The following ADGRB2 variants were observed in gnomAD, a reference collection of about 807,000 sequenced individuals.
The protein encoded by ADGRB2 is adhesion G protein-coupled receptor B2, also known as brain-specific angiogenesis inhibitor 2.
A neutral mutation model predicts 178.7 loss-of-function variants in ADGRB2; 47 were observed. The ratio of observed to expected loss-of-function variants is 0.26; its 90% confidence interval spans 0.21 to 0.34. The LOEUF (loss-of-function observed/expected upper bound fraction) is 0.34. Ranked by LOEUF, ADGRB2 falls within the 10% of genes least tolerant of loss-of-function variation. The pLI is 1.00. For missense variants in ADGRB2, 1,584 were observed against 2,180.8 expected, an observed-to-expected ratio of 0.73 and a Z score of 5.45; for synonymous variants, 870 against 912.4, an observed-to-expected ratio of 0.95 and a Z score of 0.84.
chr1:31,738,666 G>A (rs1366824129), intron 16 of ADGRB2, 36 bp from the exon 17 acceptor site: 1 of 1,611,848 alleles, frequency 6.2e-7, no homozygotes, highest in Non-Finnish European at 8.5e-7. Context: ...GTCTAGGGAG[G>A]GAAGCTCACC....
In ADGRB2 at chr1:31,727,938, G is replaced by A; in HGVS notation, c.4572+87C>T. On this transcript the variant is annotated intron_variant, in intron 32 of 32. Coordinates refer to ENST00000373658, the MANE Select transcript of ADGRB2 (RefSeq NM_001364857.2). The surrounding 1 kb of genome is among the most constrained non-coding windows in gnomAD (Gnocchi z 4.4). ...GTGGGGGAGGCCCTTGGTGAGACAGGCTGGGGTTGCCTGGGAGGGGCAGGA... is the reference window on the plus strand; with the variant it reads ...GTGGGGGAGGCCCTTGGTGAGACAGACTGGGGTTGCCTGGGAGGGGCAGGA... 1.4e-6 allele frequency: 2 copies of A among 1,462,564 alleles called. No homozygotes were observed. Among genetic ancestry groups the A allele is most frequent in the Non-Finnish European group, 1.8e-6 (2 of 1,096,244 alleles). The allele number at this position is 1,462,564 out of a possible 1,614,324, so 90.6% of individuals were successfully genotyped here.
Position 31,730,877 on chromosome 1 carries a change from C to G in ADGRB2, c.4303G>C (p.Val1435Leu). The change falls in exon 29 of 33, where the codon GTG becomes CTG. Residue 1435 changes from valine to leucine, a missense_variant. Val to Leu is a conservative substitution (Grantham distance 32). This residue lies in a region of ADGRB2 where 865 missense variants were observed against 1,192.8 expected (regional missense o/e 0.73). Coordinates refer to ENST00000373658, the MANE Select transcript of ADGRB2 (RefSeq NM_001364857.2). ...CGGCTGCGCTCCCCTGGCTCGGGCACTTGGCGGGCGCTGGGTGTCGGCGGT... is the reference window on the plus strand; with the variant it reads ...CGGCTGCGCTCCCCTGGCTCGGGCAGTTGGCGGGCGCTGGGTGTCGGCGGT... ...PPPPTPSARQ[V>L]PEPGERSRTM... 6.4e-7 allele frequency: 1 copy of G among 1,566,340 alleles called. No homozygotes were observed.
At chr1:31,752,116 C>A (rs1357879003) in intron 4 of ADGRB2, among the ~76,000 whole-genome samples, 1 of 152,220 alleles carries the variant, frequency 6.6e-6, no homozygotes, top group African/African-American at 2.4e-5. Flanking sequence ...TTGACCACCA[C>A]TGTCCTAGTT....
intron 25 of ADGRB2, among the ~76,000 whole-genome samples, chr1:31,734,111 G>T (rs1463136141): frequency 6.6e-6 from 1 of 152,194 alleles, no homozygotes; most frequent in East Asian, 1.9e-4. Context: ...GTTCAGCCTG[G>T]CAGGGGGCAG....
At position 31,741,562 on chromosome 1, in the gene ADGRB2, G is replaced by A. The variant is rs1162238120; in HGVS notation, c.1687+62C>T. On this transcript the variant is annotated intron_variant, in intron 10 of 32. Transcript: ENST00000373658. This position sits in a 1 kb window ranked among gnomAD's most constrained non-coding sequence, Gnocchi z 6.5. ...TCCGTATCTCAGAGAGGCTGGGGGC[G>A]CAGAAGGGGGCAATGAGAATGGCAG... is the stretch of plus-strand genomic sequence containing the variant. 28 of 1,596,238 alleles carry A rather than the reference G, an allele frequency of 1.8e-5. No individual in the cohort carries two copies. The highest frequency in any genetic ancestry group is 1.7e-4 in the Middle Eastern group (1 of 6,044).
At chr1:31,749,426 G>A (rs952828928) in intron 4 of ADGRB2, among the ~76,000 whole-genome samples, 3 of 152,230 alleles carry the variant, frequency 2.0e-5, no homozygotes, top group Non-Finnish European at 4.4e-5. Context: ...ACAGATTCTA[G>A]AGCCAGACAC....
intron 28 of ADGRB2, 121 bp from the exon 29 acceptor site, chr1:31,731,540 G>A: frequency 8.0e-7 from 1 of 1,249,550 alleles, no homozygotes; most frequent in Non-Finnish European, 1.1e-6. Context: ...ACTGGGTCCT[G>A]GAGAGATGGC....
At position 31,728,147 on chromosome 1, in the gene ADGRB2, T is replaced by C; in HGVS notation, c.4515+35A>G. 1.2e-6 allele frequency: 2 copies of C among 1,613,834 alleles called. No homozygotes were observed. Among genetic ancestry groups the C allele is most frequent in the Non-Finnish European group, 1.7e-6 (2 of 1,179,866 alleles). On this transcript the variant is annotated intron_variant, in intron 31 of 32. Coordinates refer to ENST00000373658, the MANE Select transcript of ADGRB2 (RefSeq NM_001364857.2). The surrounding 1 kb of genome is among the most constrained non-coding windows in gnomAD (Gnocchi z 6.7). ...CACTGCACCAGGTCAGGCCCTGAGCTTCAGGGCAGGGGCAGCCACGGGAGG... is the reference window on the plus strand; with the variant it reads ...CACTGCACCAGGTCAGGCCCTGAGCCTCAGGGCAGGGGCAGCCACGGGAGG...
chr1:31,730,577 C>G (rs148566374), intron 29 of ADGRB2, among the ~76,000 whole-genome samples: 1 of 152,198 alleles, frequency 6.6e-6, no homozygotes, highest in Non-Finnish European at 1.5e-5. Context: ...CAAGTGTGAA[C>G]GAGTCGAGAA....
At chr1:31,737,854 C>T (rs1645708564) in intron 18 of ADGRB2, 99 bp from the exon 19 acceptor site, 1 of 1,102,896 alleles carries the variant, frequency 9.1e-7, no homozygotes, top group Admixed American at 2.0e-5. Context: ...TACCCACAGG[C>T]AGAAGGGCAA....
In ADGRB2 at chr1:31,735,529, C is replaced by T. The variant is rs765711469; in HGVS notation, c.3353+51G>A. ...GTCTCCAAGAGCACCCATGTCCCTC[C>T]CTCCCTGCACCATTTCCAGAAAGGC... is the stretch of plus-strand genomic sequence containing the variant. On this transcript the variant is annotated intron_variant, in intron 24 of 32. Transcript: ENST00000373658. The surrounding 1 kb of genome is among the most constrained non-coding windows in gnomAD (Gnocchi z 6.0). The T allele has an allele frequency of 3.1e-6, 5 of 1,587,922 alleles. No individual in the cohort carries two copies. In the Admixed American group the frequency reaches 6.7e-5, roughly 21 times the overall value.
At chr1:31,736,262 A>G in intron 22 of ADGRB2, 59 bp downstream of exon 22, 1 of 1,582,286 alleles carries the variant, frequency 6.3e-7, no homozygotes, top group South Asian at 1.1e-5. Flanking sequence ...CCAGCTGCCC[A>G]GTCCGATTCC....
chr1:31,738,188 T>G lies in ADGRB2; in HGVS notation c.2772+12A>C. ...CTCCCTTATTCAGCCCAGGCACCTC[T>G]GTTCCACTCACCAGGTCCTTGGGCG... On this transcript the variant is annotated intron_variant, in intron 18 of 32. Coordinates refer to ENST00000373658, the MANE Select transcript of ADGRB2 (RefSeq NM_001364857.2). The G allele has an allele frequency of 6.2e-7, 1 of 1,613,992 alleles. No individual in the cohort carries two copies. The highest frequency in any genetic ancestry group is 8.5e-7 in the Non-Finnish European group (1 of 1,179,936).
Position 31,740,039 on chromosome 1 carries a change from G to T in ADGRB2, c.2059-5C>A. 1 of 1,614,146 alleles carries T rather than the reference G, an allele frequency of 6.2e-7. No individual in the cohort carries two copies. On this transcript the variant is annotated splice_polypyrimidine_tract_variant and splice_region_variant and intron_variant, in intron 13 of 32. Coordinates refer to ENST00000373658, the MANE Select transcript of ADGRB2 (RefSeq NM_001364857.2). The surrounding 1 kb of genome is among the most constrained non-coding windows in gnomAD (Gnocchi z 5.9). Reference sequence around the variant, plus strand: ...GTGCACAGAGCCAGGGGACACCTGGGGACAGAAAGTGTGTAAGGGTCCAAG... The same window carrying T: ...GTGCACAGAGCCAGGGGACACCTGGTGACAGAAAGTGTGTAAGGGTCCAAG...
chr1:31,744,033 C>T lies in ADGRB2; in HGVS notation c.1087+160G>A, dbSNP rs1434650695. Among the ~76,000 whole-genome samples, 1 of 152,164 alleles carries T rather than the reference C, an allele frequency of 6.6e-6. No homozygotes were observed. Among genetic ancestry groups the T allele is most frequent in the Non-Finnish European group, 1.5e-5 (1 of 68,014 alleles). ...CATCTGTGCCCCCAGTGCCCTGCAC[C>T]GGGCTGGCATGGTACGCAGAGTTGG... On this transcript the variant is annotated intron_variant, in intron 6 of 32. Coordinates refer to ENST00000373658, the MANE Select transcript of ADGRB2 (RefSeq NM_001364857.2). This position sits in a 1 kb window ranked among gnomAD's most constrained non-coding sequence, Gnocchi z 6.7.
chr1:31,730,142 C>A (rs1645202704), intron 29 of ADGRB2, among the ~76,000 whole-genome samples: 1 of 152,198 alleles, frequency 6.6e-6, no homozygotes, highest in Non-Finnish European at 1.5e-5. Flanking sequence ...TGATCCTCTG[C>A]AGGGAGCAGA....
chr1:31,728,015 G>A lies in ADGRB2; in HGVS notation c.4572+10C>T. ...GCCCACCTCACCCCACCCAGCCCGG[G>A]GGGACTCACGGTGCACACGCTCCGC... On this transcript the variant is annotated intron_variant, in intron 32 of 32. Coordinates refer to ENST00000373658, the MANE Select transcript of ADGRB2 (RefSeq NM_001364857.2). The surrounding 1 kb of genome is among the most constrained non-coding windows in gnomAD (Gnocchi z 6.7). 6.4e-7 allele frequency: 1 copy of A among 1,555,352 alleles called. No homozygotes were observed. Among genetic ancestry groups the A allele is most frequent in the Non-Finnish European group, 8.7e-7 (1 of 1,155,102 alleles).
intron 4 of ADGRB2, among the ~76,000 whole-genome samples, chr1:31,752,641 C>T (rs1646633957): frequency 6.6e-6 from 1 of 152,160 alleles, no homozygotes; most frequent in Non-Finnish European, 1.5e-5. Context: ...CGAGGAGCCT[C>T]AGTTGAAAGG....
rs779301565 is a variant in ADGRB2 at position 31,740,401 on chromosome 1, A to G, written c.1935T>C (p.Asn645=). The change falls in exon 12 of 33, where the codon AAT becomes AAC. Residue 645 remains asparagine, a synonymous_variant. Transcript: ENST00000373658. This position sits in a 1 kb window ranked among gnomAD's most constrained non-coding sequence, Gnocchi z 5.9. ...TGGCCCTCTTAAAGGTGTCAGTGAC[A>G]TTCCTCAGAATGTCCACAGAGAAGA... ...DLLFSVDILR[N]VTDTFKRATY... 1 of 1,614,074 alleles carries G rather than the reference A, an allele frequency of 6.2e-7. No homozygotes were observed. The highest frequency in any genetic ancestry group is 1.1e-5 in the South Asian group (1 of 91,070).
Sources: allele counts gnomAD v4.1 joint callset (sites outside exome capture counted in the v4.1 genomes callset), GRCh38; gene constraint gnomAD v4.1.1; regional missense constraint gnomAD v4.1.1; non-coding constraint Gnocchi (gnomAD v3.1); transcripts MANE v1.5; gene names NCBI Gene and HGNC (gene_info 2026-07-23, HGNC 2026-07-21).